Variants in PARD3B observed in about 807,000 individuals in gnomAD.
PARD3B encodes the protein par-3 family cell polarity regulator beta.
Under a neutral mutation model 130.2 loss-of-function variants are expected in PARD3B, and 103 were observed. The observed-to-expected ratio is 0.79, with a 90% CI of 0.67 to 0.93. PARD3B has a LOEUF of 0.93. Ranked by LOEUF, PARD3B falls within the 40% of genes least tolerant of loss-of-function variation. The pLI is 0.00. For missense variants in PARD3B, 1,609 were observed against 1,499.2 expected (o/e 1.07, Z -1.21); for synonymous variants, 583 against 553.2 (o/e 1.05, Z -0.76).
chr2:205,208,632 G>C (rs879815825), intron 15 of PARD3B, among the ~76,000 whole-genome samples: 14 of 142,492 alleles, frequency 9.8e-5, no homozygotes, highest in African/African-American at 3.0e-4. Flanking sequence ...GCTTCAAAGA[G>C]AATAAAATAC....
intron 16 of PARD3B, among the ~76,000 whole-genome samples, chr2:205,290,697 A>G (rs2041575898): frequency 1.3e-5 from 2 of 152,204 alleles, no homozygotes; most frequent in Non-Finnish European, 2.9e-5. Flanking sequence ...ATAGTGACAC[A>G]TTGCTATAGA....
At chr2:204,702,137 A>G (rs957900220) in intron 2 of PARD3B, among the ~76,000 whole-genome samples, 3 of 152,136 alleles carry the variant, frequency 2.0e-5, no homozygotes, top group Non-Finnish European at 4.4e-5. Context: ...TCTTTAGCCA[A>G]TCCACCATTG....
At chr2:204,961,979 G>A (rs1690784517) in intron 2 of PARD3B, among the ~76,000 whole-genome samples, 1 of 151,966 alleles carries the variant, frequency 6.6e-6, no homozygotes, top group Admixed American at 6.6e-5. Context: ...GCTTTAGAGG[G>A]GAGGCAAAAA....
chr2:204,896,166 T>C (rs2046633728), intron 2 of PARD3B, among the ~76,000 whole-genome samples: 1 of 152,212 alleles, frequency 6.6e-6, no homozygotes, highest in African/African-American at 2.4e-5. Flanking sequence ...ATGCTAGCTA[T>C]TATTATTCAT....
chr2:205,022,311 C>T (rs1369770191), intron 3 of PARD3B, among the ~76,000 whole-genome samples: 1 of 152,076 alleles, frequency 6.6e-6, no homozygotes, highest in Non-Finnish European at 1.5e-5. Flanking sequence ...TGGAATTTGC[C>T]GGCCAACACT....
intron 18 of PARD3B, among the ~76,000 whole-genome samples, chr2:205,304,250 G>A (rs188336897): frequency 2.0e-5 from 3 of 152,288 alleles, no homozygotes; most frequent in Admixed American, 1.3e-4. Flanking sequence ...GCCCCTGGAT[G>A]TGTTATGACA....
intron 18 of PARD3B, among the ~76,000 whole-genome samples, chr2:205,324,807 A>G (rs1249291372): frequency 6.6e-6 from 1 of 152,092 alleles, no homozygotes; most frequent in East Asian, 1.9e-4. Context: ...GACTCCACCC[A>G]GACTCTGGAC....
At chr2:205,147,891 C>T (rs557122545) in intron 10 of PARD3B, among the ~76,000 whole-genome samples, 15 of 152,120 alleles carry the variant, frequency 9.9e-5, no homozygotes, top group Non-Finnish European at 1.3e-4. Flanking sequence ...TTATGAGTGA[C>T]GTAATATTGA....
In PARD3B at chr2:205,618,683, T is replaced by C. The variant is rs2055508951; in HGVS notation, c.*2870T>C. ...GATATTTTAAGAAGCCCTATTTTTC[T>C]CCCTTTTTGCAGGAGTAGAGAGATG... On this transcript the variant is annotated 3_prime_UTR_variant, in exon 23 of 23. Coordinates refer to ENST00000406610, the MANE Select transcript of PARD3B (RefSeq NM_001302769.2). 1 of 152,142 alleles carries C rather than the reference T, an allele frequency of 6.6e-6. No homozygotes were observed. Among genetic ancestry groups the C allele is most frequent in the Admixed American group, 6.6e-5 (1 of 15,264 alleles). 9.4% of individuals were successfully genotyped at this position (152,142 alleles called of 1,614,324 possible).
At chr2:205,147,951 G>C (rs2033482258) in intron 10 of PARD3B, among the ~76,000 whole-genome samples, 2 of 151,952 alleles carry the variant, frequency 1.3e-5, no homozygotes, top group African/African-American at 4.8e-5. Flanking sequence ...ATGTGTGTGG[G>C]TTTTCTAATA....
chr2:205,199,092 T>A (rs1402703500), intron 15 of PARD3B, among the ~76,000 whole-genome samples: 4 of 152,152 alleles, frequency 2.6e-5, no homozygotes, highest in African/African-American at 9.7e-5. Flanking sequence ...TAAGCTCTAG[T>A]AAGTCAAAAT....
chr2:205,205,869 T>G (rs932907378), intron 15 of PARD3B, among the ~76,000 whole-genome samples: 3 of 152,222 alleles, frequency 2.0e-5, no homozygotes, highest in Non-Finnish European at 4.4e-5. Flanking sequence ...TGAGGATTTT[T>G]GCATCGATGT....
chr2:205,507,596 A>G (rs2050423219), intron 21 of PARD3B, among the ~76,000 whole-genome samples: 1 of 152,044 alleles, frequency 6.6e-6, no homozygotes, highest in Non-Finnish European at 1.5e-5. Context: ...AGACTCCATA[A>G]ATAAGGATAG....
intron 19 of PARD3B, among the ~76,000 whole-genome samples, chr2:205,438,360 G>A (rs187533603): frequency 6.6e-6 from 1 of 152,256 alleles, no homozygotes; most frequent in Admixed American, 6.5e-5. Flanking sequence ...ATCAAGCTTA[G>A]TATTTTCCTC....
intron 2 of PARD3B, among the ~76,000 whole-genome samples, chr2:204,719,035 C>T (rs145588753): frequency 6.6e-6 from 1 of 152,196 alleles, no homozygotes; most frequent in East Asian, 1.9e-4. Flanking sequence ...AAGTTATGAT[C>T]CAGTGGAGAG....
intron 2 of PARD3B, among the ~76,000 whole-genome samples, chr2:204,740,803 C>G (rs1040338602): frequency 2.0e-5 from 3 of 152,106 alleles, no homozygotes; most frequent in Admixed American, 1.3e-4. Flanking sequence ...CCCAGTGCAA[C>G]TGAAAAGTTA....
At position 205,193,311 on chromosome 2, in the gene PARD3B, A is replaced by G. The variant is rs1462244690; in HGVS notation, c.2131A>G (p.Met711Val). Residue 711 changes from methionine (M) to valine (V), a missense_variant, in exon 15 of 23, where the codon ATG (methionine) becomes GTG (valine). Met to Val is a conservative substitution (Grantham distance 21, BLOSUM62 1). Transcript: ENST00000406610. ...AATTAATTTGAAAGCCTCGAAGAGCATGGACCTTGGTAAGCAAGGGTGAGG... is the reference window on the plus strand; with the variant it reads ...AATTAATTTGAAAGCCTCGAAGAGCGTGGACCTTGGTAAGCAAGGGTGAGG... The part of the protein sequence containing the change: ...ESINLKASKS[M>V]DLVPDESKVH... 1 of 1,606,616 alleles carries G rather than the reference A, an allele frequency of 6.2e-7. No individual in the cohort carries two copies. Among genetic ancestry groups the G allele is most frequent in the African/African-American group, 1.3e-5 (1 of 74,874 alleles).
At chr2:204,957,047 G>A (rs1245986800) in intron 2 of PARD3B, among the ~76,000 whole-genome samples, 1 of 152,098 alleles carries the variant, frequency 6.6e-6, no homozygotes, top group African/African-American at 2.4e-5. Flanking sequence ...TATTAGATGT[G>A]AGTCGTGAAT....
chr2:204,564,700 T>C lies in PARD3B; in HGVS notation c.120+18581T>C, dbSNP rs368879742. On this transcript the variant is annotated intron_variant, in intron 1 of 22. Coordinates refer to ENST00000406610, the MANE Select transcript of PARD3B (RefSeq NM_001302769.2). The stretch of plus-strand genomic sequence containing the variant: ...GCAAATCTCTTTAATGTTTGGCTTA[T>C]TAGCTGGATTCTCAAATCTGCTTTC... 1.9e-4 allele frequency among the ~76,000 whole-genome samples: 29 copies of C among 152,324 alleles called. No homozygotes were observed. The East Asian group carries it at 4.8e-3, about 25-fold the overall frequency.
Sources: gnomAD v4.1 joint callset for allele counts (sites outside exome capture counted in the v4.1 genomes callset) on GRCh38, gnomAD v4.1.1 for gene constraint, MANE v1.5 for transcripts, NCBI Gene and HGNC (gene_info 2026-07-23, HGNC 2026-07-21) for gene names.